CDCA5: variants seen among roughly 807,000 people sequenced by gnomAD.
CDCA5 encodes the protein cell division cycle associated 5, also known as sororin.
In CDCA5, 14 loss-of-function variants were observed where a neutral mutation model predicts 25.7. The ratio of observed to expected loss-of-function variants is 0.54; its 90% CI spans 0.36 to 0.85. CDCA5 has a LOEUF of 0.85. CDCA5 is among the 40% of genes least tolerant of loss of function. The probability of loss-of-function intolerance (pLI) is 0.01; values close to 1 mark genes in which losing one functional copy is unlikely to be tolerated. For missense variants in CDCA5, 307 were observed against 324.5 expected (o/e 0.95, Z 0.41); for synonymous variants, 127 against 128.7 (o/e 0.99, Z 0.09).
chr11:65,084,033 C>A lies in CDCA5; in HGVS notation c.-55G>T. On this transcript the variant is annotated 5_prime_UTR_variant, in exon 1 of 6. Transcript: ENST00000275517. ...CGCCGCCGCCCCGGGCGCGCGCCAACCGGGAAGGCCACTCGCTGCAAAAAA... is the reference window on the plus strand; with the variant it reads ...CGCCGCCGCCCCGGGCGCGCGCCAAACGGGAAGGCCACTCGCTGCAAAAAA... 1 of 1,569,754 alleles carries A rather than the reference C, an allele frequency of 6.4e-7. No individual in the cohort carries two copies.
intron 4 of CDCA5, among the ~76,000 whole-genome samples, 189 bp from the exon 5 acceptor site, chr11:65,079,976 C>A (rs550489670): frequency 6.6e-5 from 10 of 151,378 alleles, no homozygotes; most frequent in Non-Finnish European, 1.2e-4. Flanking sequence ...CTGCAAGCTC[C>A]GCCTCCCGGG....
chr11:65,070,182 T>C lies in CDCA5; in HGVS notation c.64-1581A>G, dbSNP rs893460250. 5.3e-5 allele frequency among the ~76,000 whole-genome samples: 8 copies of C among 152,250 alleles called. No homozygotes were observed. In the South Asian group the frequency reaches 1.7e-3, roughly 31 times the overall value. Reference sequence around the variant, plus strand: ...GGACGAGGAGGCATAGGGATCTTTGTGTGTCTGTTATGTGGGCTGTTTGGC... The same window carrying C: ...GGACGAGGAGGCATAGGGATCTTTGCGTGTCTGTTATGTGGGCTGTTTGGC... On this transcript the variant is annotated intron_variant, in intron 1 of 6. Coordinates refer to the CDCA5 transcript ENST00000525464.
At chr11:65,071,617 T>C (rs917346526) in intron 1 of CDCA5, among the ~76,000 whole-genome samples, 1 of 152,212 alleles carries the variant, frequency 6.6e-6, no homozygotes, top group Non-Finnish European at 1.5e-5. Flanking sequence ...TCTTTAAAAA[T>C]TGTGTTGTTT....
At position 65,077,954 on chromosome 11, in the gene CDCA5, C is replaced by T. The variant is rs1207743480; in HGVS notation, c.*1153G>A. 4.1e-6 allele frequency: 4 copies of T among 985,330 alleles called. No individual in the cohort carries two copies. Among genetic ancestry groups the T allele is most frequent in the East Asian group, 1.1e-4 (1 of 8,828 alleles). The allele number at this position is 985,330 out of a possible 1,614,324, so 61.0% of individuals were successfully genotyped here. On this transcript the variant is annotated 3_prime_UTR_variant, in exon 6 of 6. Transcript: ENST00000275517. ...GGCAGGAGAGTCGGGGGCAGGGCAG[C>T]CTTCAAATCCACACTATTGAATCCA... is the stretch of plus-strand genomic sequence containing the variant.
downstream of CDCA5, among the ~76,000 whole-genome samples, chr11:65,061,661 G>C (rs1216975879): frequency 1.3e-5 from 2 of 151,136 alleles, no homozygotes; most frequent in African/African-American, 4.9e-5. Context: ...TGTAGTCCCA[G>C]CTACTCTGGA....
chr11:65,070,012 T>G (rs1239706593), intron 1 of CDCA5, among the ~76,000 whole-genome samples: 1 of 152,162 alleles, frequency 6.6e-6, no homozygotes, highest in Non-Finnish European at 1.5e-5. Flanking sequence ...GCATTCTGCT[T>G]CGGAGCTCCA....
downstream of CDCA5, among the ~76,000 whole-genome samples, chr11:65,073,031 C>T (rs193289924): frequency 3.8e-3 from 573 of 150,020 alleles, 3 homozygotes; most frequent in African/African-American, 0.013. Flanking sequence ...GCAACCTCCA[C>T]CCGCCAGGGT....
rs1364985524 is a variant in CDCA5 at position 65,079,010 on chromosome 11, A to G, written c.*97T>C. 2 of 1,369,172 alleles carry G rather than the reference A, an allele frequency of 1.5e-6. No homozygotes were observed. Among genetic ancestry groups the G allele is most frequent in the African/African-American group, 2.9e-5 (2 of 68,834 alleles). 84.8% of individuals were successfully genotyped at this position (1,369,172 alleles called of 1,614,324 possible). A position where few individuals can be genotyped will look rare whatever the true frequency, so the allele number is the denominator to read the frequency against. On this transcript the variant is annotated 3_prime_UTR_variant, in exon 6 of 6. Transcript: ENST00000275517. ...AGCACCAGCACACACACAGGTAACA[A>G]GACCAGGGGAGGGGACCCTAAGTGT...
chr11:65,068,550 C>T (rs1947284717), exon 2 of CDCA5: 2 of 1,289,342 alleles, frequency 1.6e-6, no homozygotes, highest in South Asian at 2.5e-5. Context: ...ACAGGCTGCA[C>T]CACTGGCTTG....
At chr11:65,068,389 G>T (rs1565267346) in intron 2 of CDCA5, 1 of 725,330 alleles carries the variant, frequency 1.4e-6, no homozygotes, top group Non-Finnish European at 2.0e-6. Flanking sequence ...TGGGTGTGAC[G>T]ACGGGGGTTC....
downstream of CDCA5, chr11:65,066,333 G>C (rs1415546172): frequency 8.5e-7 from 1 of 1,170,766 alleles, no homozygotes; most frequent in Non-Finnish European, 1.1e-6. Context: ...GATCTAGGGA[G>C]GAGCTGGCTG....
downstream of CDCA5, among the ~76,000 whole-genome samples, chr11:65,074,355 G>A (rs1252661045): frequency 3.3e-5 from 5 of 152,162 alleles, no homozygotes; most frequent in Non-Finnish European, 7.3e-5. Context: ...TTACAAGTGT[G>A]AGCCACCGCG....
chr11:65,067,101 T>C (rs1434043617), intron 4 of CDCA5, among the ~76,000 whole-genome samples: 4 of 152,266 alleles, frequency 2.6e-5, no homozygotes, highest in Non-Finnish European at 5.9e-5. Context: ...AGACTAATTA[T>C]GCTTTTTGTC....
downstream of CDCA5, among the ~76,000 whole-genome samples, chr11:65,061,812 A>C (rs1947189165): frequency 6.6e-6 from 1 of 151,126 alleles, no homozygotes; most frequent in African/African-American, 2.4e-5. Context: ...AAACCACAGC[A>C]AAATGGAGAA....
intron 1 of CDCA5, among the ~76,000 whole-genome samples, chr11:65,071,160 T>C (rs1947334368): frequency 6.6e-6 from 1 of 151,766 alleles, no homozygotes; most frequent in Non-Finnish European, 1.5e-5. Flanking sequence ...GCCAGGATGG[T>C]CTCGATCTCC....
chr11:65,077,953 G>A lies in CDCA5; in HGVS notation c.*1154C>T. 1 of 985,510 alleles carries A rather than the reference G, an allele frequency of 1.0e-6. No individual in the cohort carries two copies. The highest frequency in any genetic ancestry group is 4.7e-5 in the South Asian group (1 of 21,286). The allele number at this position is 985,510 out of a possible 1,614,324, so 61.0% of individuals were successfully genotyped here. ...CGGCAGGAGAGTCGGGGGCAGGGCAGCCTTCAAATCCACACTATTGAATCC... is the reference window on the plus strand; with the variant it reads ...CGGCAGGAGAGTCGGGGGCAGGGCAACCTTCAAATCCACACTATTGAATCC... On this transcript the variant is annotated 3_prime_UTR_variant, in exon 6 of 6. Transcript: ENST00000275517.
chr11:65,070,694 C>T (rs947446183), intron 1 of CDCA5, among the ~76,000 whole-genome samples: 2 of 152,116 alleles, frequency 1.3e-5, no homozygotes, highest in African/African-American at 2.4e-5. Context: ...GTTGCCCAGA[C>T]TGGTCTCGAA....
chr11:65,082,414 A>G (rs187528735), intron 4 of CDCA5, among the ~76,000 whole-genome samples: 5 of 149,470 alleles, frequency 3.3e-5, no homozygotes, highest in African/African-American at 1.2e-4. Context: ...TAAATTCCCA[A>G]TCTCTGCAAA....
At chr11:65,077,353 G>T, downstream of CDCA5, 2 of 510,806 alleles carry the variant, frequency 3.9e-6, no homozygotes, top group Non-Finnish European at 5.0e-6. Flanking sequence ...AGCGGGGCTG[G>T]GAGCGCCTGG....
Sources: allele counts gnomAD v4.1 joint callset (sites outside exome capture counted in the v4.1 genomes callset), GRCh38; gene constraint gnomAD v4.1.1; transcripts MANE v1.5; gene names NCBI Gene and HGNC (gene_info 2026-07-23, HGNC 2026-07-21).